Variants in KLHL17 observed in about 807,000 individuals in gnomAD.
KLHL17 encodes kelch-like protein 17.
In KLHL17, 71 loss-of-function variants were observed where a neutral mutation model predicts 64.6. The observed-to-expected ratio is 1.10, with a 90% CI of 0.91 to 1.34. The LOEUF is 1.34. Among genes scored for constraint, KLHL17 ranks in the 40% most tolerant of loss-of-function variants. The pLI, the probability that KLHL17 is intolerant of heterozygous loss-of-function variation, is 0.00. For synonymous variants in KLHL17, 612 were observed against 405.4 expected (o/e 1.51, Z -6.12); for missense variants, 1,140 against 935.0 (o/e 1.22, Z -2.86).
Position 960,661 on chromosome 1 carries a change from C to G in KLHL17, c.-33C>G. ...CTCCGCGTCCGTTAAGCCCGCGGGT[C>G]CTCCGCGAATCGGCGGTGGGTCCGG... On this transcript the variant is annotated 5_prime_UTR_variant, in exon 1 of 12. Coordinates refer to ENST00000338591, the MANE Select transcript of KLHL17 (RefSeq NM_198317.3). 1 of 1,353,960 alleles carries G rather than the reference C, an allele frequency of 7.4e-7. No individual in the cohort carries two copies. The allele number at this position is 1,353,960 out of a possible 1,614,324, so 83.9% of individuals were successfully genotyped here. A position where few individuals can be genotyped will look rare whatever the true frequency, so the allele number is the denominator to read the frequency against.
rs371565270 is a variant in KLHL17, at chr1:961,306, C to A, written c.121C>A (p.Arg41Ser). ...CGCCTCCTGCAGCCCCGAGGCAGAGCGCACGCGGCCCCGGCAGGCTCGGCC... is the reference window on the plus strand; with the variant it reads ...CGCCTCCTGCAGCCCCGAGGCAGAGAGCACGCGGCCCCGGCAGGCTCGGCC... ...PPQPPAPEAERTRPRQARPAA... is the reference protein window; with the variant it reads ...PPQPPAPEAESTRPRQARPAA... The change falls in exon 2 of 12, where the codon CGC (arginine) becomes AGC (serine). Residue 41 changes from arginine (R) to serine (S), a missense_variant. Transcript: ENST00000338591. 4.6e-6 allele frequency: 7 copies of A among 1,519,320 alleles called. No individual in the cohort carries two copies. In the African/African-American group the frequency reaches 8.4e-5, roughly 18 times the overall value. 94.1% of individuals were successfully genotyped at this position (1,519,320 alleles called of 1,614,324 possible). A position where few individuals can be genotyped will look rare whatever the true frequency, so the allele number is the denominator to read the frequency against.
rs921719273 is a variant in KLHL17, at chr1:962,862, C to A, written c.987C>A (p.Thr329=). ...LLPEQRGVLG[T]SRTRPRRCEG... ...CTGAGCAGAGGGGCGTCCTAGGCAC[C>A]AGCCGCACACGTCCCCGGCGCTGCG... The change falls in exon 6 of 12, where the codon ACC becomes ACA. Residue 329 remains threonine (T), a synonymous_variant. Coordinates refer to ENST00000338591, the MANE Select transcript of KLHL17 (RefSeq NM_198317.3). The A allele has an allele frequency of 2.5e-6, 4 of 1,589,688 alleles. No homozygotes were observed. The Admixed American group carries it at 7.0e-5, about 28-fold the overall frequency.
chr1:962,404 A>T lies in KLHL17; in HGVS notation c.761A>T (p.Glu254Val), dbSNP rs1305806437. 1 of 1,612,712 alleles carries T rather than the reference A, an allele frequency of 6.2e-7. No homozygotes were observed. The highest frequency in any genetic ancestry group is 1.3e-5 in the African/African-American group (1 of 75,024). ...SDSLNVPSEE[E>V]VYRAVLSWVK... ...AGCCTGAACGTGCCTTCAGAGGAGG[A>T]GGTCTACCGAGCCGTCCTGAGCTGG... Residue 254 changes from glutamate to valine, a missense_variant, in exon 5 of 12, where the codon GAG becomes GTG. Transcript: ENST00000338591.
chr1:964,061 A>T, intron 9 of KLHL17, 46 bp from the exon 10 acceptor site: 2 of 1,612,224 alleles, frequency 1.2e-6, no homozygotes, highest in Non-Finnish European at 1.7e-6. Flanking sequence ...CACCGTGGAG[A>T]CCCCACTCCC....
At chr1:964,233 C>T (rs1032942818) in intron 10 of KLHL17, 53 bp downstream of exon 10, 9 of 1,604,820 alleles carry the variant, frequency 5.6e-6, no homozygotes, top group Admixed American at 3.3e-5. Context: ...CGGGGCCCTC[C>T]TCCCTCTGTT....
rs1167259432 is a variant in KLHL17, at chr1:963,514, G to A, written c.1355+10G>A. ...CCTCCTGCCTGAACAGGTAGTTGGG[G>A]TTGGGGCCCCAGTGGCTTTGTACAG... On this transcript the variant is annotated intron_variant, in intron 8 of 11. Transcript: ENST00000338591. The A allele has an allele frequency of 1.2e-6, 2 of 1,600,882 alleles. No individual in the cohort carries two copies. The highest frequency in any genetic ancestry group is 8.5e-7 in the Non-Finnish European group (1 of 1,172,706).
At position 961,439 on chromosome 1, in the gene KLHL17, T is replaced by G; in HGVS notation, c.254T>G (p.Met85Arg). The G allele has an allele frequency of 6.2e-7, 1 of 1,612,196 alleles. No individual in the cohort carries two copies. Among genetic ancestry groups the G allele is most frequent in the Non-Finnish European group, 8.5e-7 (1 of 1,179,784 alleles). ...GATGCCTTCGTGGCCATGAGCCGCA[T>G]GCGCCAGCGCGGCCTCCTGTGCGAC... is the stretch of plus-strand genomic sequence containing the variant. The part of the protein sequence containing the change: ...YHDAFVAMSR[M>R]RQRGLLCDIV... The change falls in exon 2 of 12, where the codon ATG (methionine) becomes AGG (arginine). Residue 85 changes from methionine to arginine, a missense_variant. Met to Arg is a moderately conservative substitution (Grantham distance 91). Coordinates refer to ENST00000338591, the MANE Select transcript of KLHL17 (RefSeq NM_198317.3).
At position 965,251 on chromosome 1, in the gene KLHL17, C is replaced by A; in HGVS notation, c.*60C>A. The A allele has an allele frequency of 7.2e-7, 1 of 1,392,514 alleles. No homozygotes were observed. Among genetic ancestry groups the A allele is most frequent in the Non-Finnish European group, 1.0e-6 (1 of 995,474 alleles). 86.3% of individuals were successfully genotyped at this position (1,392,514 alleles called of 1,614,324 possible). ...TGCCTTAAGGGGACCGTGGCCCCCA[C>A]CAGGGACGTCCTGCGCCATCCGTTC... On this transcript the variant is annotated 3_prime_UTR_variant, in exon 12 of 12. Coordinates refer to ENST00000338591, the MANE Select transcript of KLHL17 (RefSeq NM_198317.3).
intron 7 of KLHL17, 38 bp downstream of exon 7, chr1:963,291 G>A (rs371775037): frequency 2.3e-5 from 36 of 1,599,208 alleles, no homozygotes; most frequent in African/African-American, 6.7e-5. Flanking sequence ...GGTCTGGCAC[G>A]TGCCCGCCAG....
In KLHL17 at chr1:964,155, C is replaced by CCA; in HGVS notation, c.1495_1496dup (p.Val500LeufsTer9). ...GGCTACGACAGCTCCTCACACCTGG[C>CCA]CACTGTGGAGAAGTATGAGCCCCAG... On this transcript the variant is annotated frameshift_variant, in exon 10 of 12. Coordinates refer to ENST00000338591, the MANE Select transcript of KLHL17 (RefSeq NM_198317.3). LOFTEE classifies it high-confidence loss of function. 5.0e-6 allele frequency: 8 copies of CCA among 1,612,720 alleles called. No individual in the cohort carries two copies. The highest frequency in any genetic ancestry group is 6.8e-6 in the Non-Finnish European group (8 of 1,179,926).
chr1:964,984 C>T lies in KLHL17; in HGVS notation c.1722C>T (p.Ala574=). The change falls in exon 12 of 12, where the codon GCC becomes GCT. Residue 574 remains alanine, a synonymous_variant. Coordinates refer to ENST00000338591, the MANE Select transcript of KLHL17 (RefSeq NM_198317.3). ...NIRRSTHDLV[A]MDGWLYAVGG... is the part of the protein sequence containing the mutation. Reference sequence around the variant, plus strand: ...CCAGGAGCACGCATGACCTGGTGGCCATGGACGGATGGTTGTACGCCGTGG... The same window carrying T: ...CCAGGAGCACGCATGACCTGGTGGCTATGGACGGATGGTTGTACGCCGTGG... 1.2e-6 allele frequency: 2 copies of T among 1,610,806 alleles called. No individual in the cohort carries two copies. The highest frequency in any genetic ancestry group is 1.7e-6 in the Non-Finnish European group (2 of 1,178,588).
intron 4 of KLHL17, 135 bp from the exon 5 acceptor site, chr1:962,220 T>G: frequency 6.9e-7 from 1 of 1,448,232 alleles, no homozygotes; most frequent in Non-Finnish European, 9.5e-7. Flanking sequence ...CGTCTGTGGC[T>G]CCTGACTCTG....
Position 964,977 on chromosome 1 carries a change from T to C in KLHL17, c.1715T>C (p.Leu572Pro). 1 of 1,608,562 alleles carries C rather than the reference T, an allele frequency of 6.2e-7. No individual in the cohort carries two copies. Among genetic ancestry groups the C allele is most frequent in the Non-Finnish European group, 8.5e-7 (1 of 1,176,958 alleles). ...PMNIRRSTHD[L>P]VAMDGWLYAV... The stretch of plus-strand genomic sequence containing the variant: ...CTTCCCCCCAGGAGCACGCATGACC[T>C]GGTGGCCATGGACGGATGGTTGTAC... The change falls in exon 12 of 12, where the codon CTG becomes CCG. Residue 572 changes from leucine to proline, a missense_variant. Coordinates refer to ENST00000338591, the MANE Select transcript of KLHL17 (RefSeq NM_198317.3).
At position 964,592 on chromosome 1, in the gene KLHL17, G is replaced by A. The variant is rs576501335; in HGVS notation, c.1700+62G>A. ...CGCAGTGGGGCTGTGGGAGGGGTCCGCGCGTCCGCAGTGGGGATGTGCTGC... is the reference window on the plus strand; with the variant it reads ...CGCAGTGGGGCTGTGGGAGGGGTCCACGCGTCCGCAGTGGGGATGTGCTGC... On this transcript the variant is annotated intron_variant, in intron 11 of 11. Transcript: ENST00000338591. 8 of 1,357,424 alleles carry A rather than the reference G, an allele frequency of 5.9e-6. 1 individual carries two copies. In the African/African-American group the frequency reaches 1.9e-4, roughly 32 times the overall value. The allele number at this position is 1,357,424 out of a possible 1,614,324, so 84.1% of individuals were successfully genotyped here.
chr1:960,626 C>A lies in KLHL17; in HGVS notation c.-68C>A. On this transcript the variant is annotated 5_prime_UTR_variant, in exon 1 of 12. Transcript: ENST00000338591. ...AGCGGGCCGCCACCGCCGAGCAGCCCTCCGGCAGTCTCCGCGTCCGTTAAG... is the reference window on the plus strand; with the variant it reads ...AGCGGGCCGCCACCGCCGAGCAGCCATCCGGCAGTCTCCGCGTCCGTTAAG... 7.9e-7 allele frequency: 1 copy of A among 1,257,934 alleles called. No individual in the cohort carries two copies. The highest frequency in any genetic ancestry group is 1.0e-6 in the Non-Finnish European group (1 of 991,774). 77.9% of individuals were successfully genotyped at this position (1,257,934 alleles called of 1,614,324 possible).
chr1:960,969 G>T, intron 1 of KLHL17, 169 bp downstream of exon 1: 5 of 390,474 alleles, frequency 1.3e-5, no homozygotes, highest in Non-Finnish European at 1.7e-5. Flanking sequence ...CGCGCCCCGC[G>T]CGCCCAGGAC....
chr1:963,443 G>A lies in KLHL17; in HGVS notation c.1294G>A (p.Ala432Thr). Residue 432 changes from alanine (A) to threonine (T), a missense_variant, in exon 8 of 12, where the codon GCC becomes ACC. By Grantham distance (58) the Ala-to-Thr change is moderately conservative. Transcript: ENST00000338591. ...CACAAGGCGAAGCTGCCTGGGTGTG[G>A]CCGCCTTGCATGGACTCCTGTACTC... ...MGTRRSCLGV[A>T]ALHGLLYSAG... is the part of the protein sequence containing the mutation. 6.2e-7 allele frequency: 1 copy of A among 1,612,624 alleles called. No homozygotes were observed. Among genetic ancestry groups the A allele is most frequent in the African/African-American group, 1.3e-5 (1 of 75,066 alleles).
At position 964,450 on chromosome 1, in the gene KLHL17, C is replaced by G. The variant is rs1156491234; in HGVS notation, c.1620C>G (p.Gly540=). The change falls in exon 11 of 12, where the codon GGC becomes GGG. Residue 540 remains glycine (G), a synonymous_variant. Transcript: ENST00000338591. ...TGTACGTGGCAGGGGGCAACGACGG[C>G]ACCAGCTGCCTCAACTCGGTAGAGA... ...GALYVAGGND[G]TSCLNSVERY... 6.5e-7 allele frequency: 1 copy of G among 1,547,088 alleles called. No homozygotes were observed.
intron 8 of KLHL17, 199 bp from the exon 9 acceptor site, chr1:963,721 G>A: frequency 2.5e-6 from 2 of 814,170 alleles, no homozygotes; most frequent in South Asian, 3.5e-5. Context: ...CAGAGGCTGG[G>A]CCCAGGTGGG....
Sources: allele counts gnomAD v4.1 joint callset, GRCh38; gene constraint gnomAD v4.1.1; transcripts MANE v1.5; gene names NCBI Gene and HGNC (gene_info 2026-07-23, HGNC 2026-07-21).